The following SYNDIG1 variants were observed in gnomAD, a reference collection of about 807,000 sequenced individuals.
SYNDIG1 encodes synapse differentiation inducing 1.
A neutral mutation model predicts 19.4 loss-of-function variants in SYNDIG1; 9 were observed. That is an observed-to-expected ratio of 0.46 (90% confidence interval 0.28 to 0.81). The LOEUF (loss-of-function observed/expected upper bound fraction) is 0.81, where lower values mean the gene tolerates loss of function less well. SYNDIG1 is among the 30% of genes least tolerant of loss of function. The pLI, the probability that SYNDIG1 is intolerant of heterozygous loss-of-function variation, is 0.12. For missense variants in SYNDIG1, 311 were observed against 343.3 expected, an observed-to-expected ratio of 0.91 and a Z score of 0.74; for synonymous variants, 141 against 145.9, an observed-to-expected ratio of 0.97 and a Z score of 0.24.
At chr20:24,521,231 A>G (rs1306364128) in intron 1 of SYNDIG1, among the ~76,000 whole-genome samples, 2 of 152,156 alleles carry the variant, frequency 1.3e-5, no homozygotes, top group Non-Finnish European at 2.9e-5. Flanking sequence ...GGGCGTTTTC[A>G]TTGTTCCCAC....
chr20:24,627,373 G>C (rs562167136), intron 3 of SYNDIG1, among the ~76,000 whole-genome samples: 1 of 152,174 alleles, frequency 6.6e-6, no homozygotes, highest in Admixed American at 6.5e-5. Flanking sequence ...TCTACCTAAG[G>C]AATCTGGAAA....
chr20:24,645,514 A>G (rs2059414906), intron 3 of SYNDIG1, among the ~76,000 whole-genome samples: 2 of 152,204 alleles, frequency 1.3e-5, no homozygotes, highest in Admixed American at 1.3e-4. Context: ...AGGGCTCCAG[A>G]GAAAAGAGGG....
At position 24,543,395 on chromosome 20, in the gene SYNDIG1, C is replaced by A; in HGVS notation, c.298C>A (p.Arg100Ser). Residue 100 changes from arginine to serine, a missense_variant, in exon 2 of 4, where the codon CGC becomes AGC. Physicochemically the swap from Arg to Ser is moderately radical, Grantham distance 110 (BLOSUM62 -1). Coordinates refer to ENST00000376862, the MANE Select transcript of SYNDIG1 (RefSeq NM_024893.3). ...NIILYSEGVL[R>S]SWGDGVAADC... ...CATCCTCTATTCAGAGGGCGTGCTG[C>A]GCTCCTGGGGGGACGGTGTGGCCGC... 1.2e-6 allele frequency: 2 copies of A among 1,613,674 alleles called. No individual in the cohort carries two copies. Among genetic ancestry groups the A allele is most frequent in the Non-Finnish European group, 1.7e-6 (2 of 1,180,024 alleles).
intron 1 of SYNDIG1, among the ~76,000 whole-genome samples, chr20:24,488,291 G>A (rs374811231): frequency 6.6e-6 from 1 of 152,228 alleles, no homozygotes; most frequent in African/African-American, 2.4e-5. Context: ...GGCACCATGC[G>A]AGGCACTGCA....
Position 24,514,944 on chromosome 20 carries a change from C to G in SYNDIG1, c.-78-28076C>G, listed in dbSNP as rs374720283. Among the ~76,000 whole-genome samples, 25 of 152,242 alleles carry G rather than the reference C, an allele frequency of 1.6e-4. 1 individual carries two copies. The East Asian group carries it at 4.8e-3, about 29-fold the overall frequency. On this transcript the variant is annotated intron_variant, in intron 1 of 3. Transcript: ENST00000376862. ...AACTGTCTCTCAGACCACAGTGCAA[C>G]CAAACTAGAACTCAGGATTAAGAAA... is the stretch of plus-strand genomic sequence containing the variant.
At chr20:24,547,779 G>C (rs1460161715) in intron 2 of SYNDIG1, among the ~76,000 whole-genome samples, 2 of 152,208 alleles carry the variant, frequency 1.3e-5, no homozygotes, top group Non-Finnish European at 2.9e-5. Flanking sequence ...AACTCAGAGA[G>C]ACTTCAGGGA....
intron 3 of SYNDIG1, among the ~76,000 whole-genome samples, chr20:24,626,210 C>CA (rs566023302): frequency 3.0e-5 from 3 of 101,402 alleles, no homozygotes; most frequent in Non-Finnish European, 6.2e-5. Flanking sequence ...GCTGGCCTGG[C>CA]GGGGGCTGAC....
intron 3 of SYNDIG1, among the ~76,000 whole-genome samples, chr20:24,651,236 G>A (rs926294317): frequency 1.3e-5 from 2 of 152,182 alleles, no homozygotes; most frequent in African/African-American, 4.8e-5. Flanking sequence ...CTGACTGTAA[G>A]CATAGATCCT....
intron 1 of SYNDIG1, among the ~76,000 whole-genome samples, chr20:24,485,022 T>C (rs2146268288): frequency 6.6e-6 from 1 of 152,248 alleles, no homozygotes; most frequent in Admixed American, 6.5e-5. Context: ...AAAGCAAGGT[T>C]CCTCCTTCTG....
In SYNDIG1 at chr20:24,591,463, A is replaced by G. The variant is rs574188037; in HGVS notation, c.618+6470A>G. Among the ~76,000 whole-genome samples, 10 of 151,722 alleles carry G rather than the reference A, an allele frequency of 6.6e-5. No individual in the cohort carries two copies. The South Asian group carries it at 1.5e-3, about 22-fold the overall frequency. ...CATCTAGTTATCTTTTTTTTTTTGA[A>G]GAGTTTTGCTGTAAATGGAGAGTGA... On this transcript the variant is annotated intron_variant, in intron 3 of 3. Coordinates refer to ENST00000376862, the MANE Select transcript of SYNDIG1 (RefSeq NM_024893.3).
chr20:24,587,617 C>T (rs2058438185), intron 3 of SYNDIG1, among the ~76,000 whole-genome samples: 2 of 152,244 alleles, frequency 1.3e-5, no homozygotes, highest in African/African-American at 2.4e-5. Flanking sequence ...AATCCTTGCA[C>T]TAAATTAAAT....
intron 3 of SYNDIG1, among the ~76,000 whole-genome samples, chr20:24,653,982 AG>A (rs1268630022): frequency 1.3e-5 from 2 of 152,316 alleles, no homozygotes; most frequent in East Asian, 3.9e-4. Flanking sequence ...TCACATTCTG[AG>A]GTACTGGGGG....
In SYNDIG1 at chr20:24,542,936, C is replaced by G. The variant is rs2079328040; in HGVS notation, c.-78-84C>G. 3.2e-5 allele frequency: 33 copies of G among 1,034,670 alleles called. 1 individual carries two copies. Among genetic ancestry groups the G allele is most frequent in the Non-Finnish European group, 4.5e-5 (32 of 717,792 alleles). The allele number at this position is 1,034,670 out of a possible 1,614,324, so 64.1% of individuals were successfully genotyped here. A position where few individuals can be genotyped will look rare whatever the true frequency, so the allele number is the denominator to read the frequency against. On this transcript the variant is annotated intron_variant, in intron 1 of 3. Transcript: ENST00000376862. ...CTATGCGTTTATCAGCTGGCTGGTA[C>G]AGTCTGAAACAATGTGGGTCTGGGT...
At chr20:24,518,523 A>C (rs1329553294) in intron 1 of SYNDIG1, among the ~76,000 whole-genome samples, 1 of 152,176 alleles carries the variant, frequency 6.6e-6, no homozygotes, top group Non-Finnish European at 1.5e-5. Flanking sequence ...GCAGGGCTAA[A>C]TTGCACTTTT....
intron 2 of SYNDIG1, among the ~76,000 whole-genome samples, chr20:24,552,037 G>A (rs1056357898): frequency 1.3e-5 from 2 of 152,180 alleles, no homozygotes; most frequent in Non-Finnish European, 2.9e-5. Context: ...TGTCTGCCTA[G>A]TTGTCACAAT....
intron 1 of SYNDIG1, among the ~76,000 whole-genome samples, chr20:24,504,325 T>C (rs2056533194): frequency 6.6e-6 from 1 of 152,086 alleles, no homozygotes; most frequent in Admixed American, 6.5e-5. Context: ...TTCACTGCAG[T>C]GTAGATTGTG....
intron 3 of SYNDIG1, among the ~76,000 whole-genome samples, chr20:24,663,957 CTTCA>C (rs928802207): frequency 1.3e-5 from 2 of 152,196 alleles, no homozygotes. Flanking sequence ...CTCACCACGA[CTTCA>C]TTCATTCATT....
At chr20:24,645,092 A>G (rs1318073321) in intron 3 of SYNDIG1, among the ~76,000 whole-genome samples, 1 of 152,216 alleles carries the variant, frequency 6.6e-6, no homozygotes, top group African/African-American at 2.4e-5. Flanking sequence ...GCAGTTTGGG[A>G]AGGAACTGTT....
intron 1 of SYNDIG1, among the ~76,000 whole-genome samples, chr20:24,525,911 T>A (rs1430141516): frequency 6.6e-6 from 1 of 152,228 alleles, no homozygotes; most frequent in Non-Finnish European, 1.5e-5. Context: ...AAATGGATTA[T>A]GTACATGGAA....
Sources: allele counts gnomAD v4.1 joint callset (sites outside exome capture counted in the v4.1 genomes callset), GRCh38; gene constraint gnomAD v4.1.1; transcripts MANE v1.5; gene names NCBI Gene and HGNC (gene_info 2026-07-23, HGNC 2026-07-21).